Variants in FUNDC1 observed in about 807,000 individuals in gnomAD.
FUNDC1 encodes the protein FUN14 domain containing 1.
Under a neutral mutation model 14.5 loss-of-function variants are expected in FUNDC1, and 10 were observed. That is an observed-to-expected ratio of 0.69 (90% CI 0.43 to 1.17). The LOEUF is 1.17. Ranked by LOEUF, FUNDC1 falls within the 50% of genes most tolerant of loss-of-function variation. FUNDC1 has a pLI of 0.00. For missense variants in FUNDC1, 115 were observed against 113.8 expected, an observed-to-expected ratio of 1.01 and a Z score of -0.05; for synonymous variants, 33 against 39.7, an observed-to-expected ratio of 0.83 and a Z score of 0.64.
rs1035971537 is a variant in FUNDC1 at position 44,528,386 on chromosome X, A to T, written c.262-1021T>A. ...GTATTTATTCATCTACTATCACTTC[A>T]AACTCCAGCCTCAGCAAAACAGTGG... is the stretch of plus-strand genomic sequence containing the variant. On this transcript the variant is annotated intron_variant, in intron 3 of 4. Transcript: ENST00000378045. Among the ~76,000 whole-genome samples, 26 of 112,314 alleles carry T rather than the reference A, an allele frequency of 2.3e-4. 1 individual carries two copies. The highest frequency in any genetic ancestry group is 1.7e-3 in the East Asian group (6 of 3,575).
chrX:44,536,234 A>C (rs898645018), intron 3 of FUNDC1, among the ~76,000 whole-genome samples: 4 of 104,303 alleles, frequency 3.8e-5, no homozygotes, highest in Non-Finnish European at 7.8e-5. Flanking sequence ...CAGGAAAATC[A>C]CTTGAATCCG....
At chrX:44,537,080 G>A (rs12392122) in intron 3 of FUNDC1, among the ~76,000 whole-genome samples, 15,841 of 111,177 alleles carry the variant, frequency 0.14, 1,788 homozygotes, top group African/African-American at 0.38. Context: ...AAGGTTAGTC[G>A]TATTTGTGGG....
rs1044637341 is a variant in FUNDC1, at chrX:44,538,244, A to G, written c.261+223T>C. Among the ~76,000 whole-genome samples the G allele has an allele frequency of 8.0e-5, 9 of 112,647 alleles. No homozygotes were observed. The Admixed American group carries it at 8.5e-4, about 11-fold the overall frequency. Reference sequence around the variant, plus strand: ...AGGGATCTGCCTGCCTCTGCCTCCCAAAGTGCTGGGATTACAGGCGTGAGC... The same window carrying G: ...AGGGATCTGCCTGCCTCTGCCTCCCGAAGTGCTGGGATTACAGGCGTGAGC... On this transcript the variant is annotated intron_variant, in intron 3 of 4. Coordinates refer to ENST00000378045, the MANE Select transcript of FUNDC1 (RefSeq NM_173794.4).
chrX:44,542,761 T>C (rs148785115), intron 1 of FUNDC1, 44 bp downstream of exon 1: 1 of 1,142,069 alleles, frequency 8.8e-7, no homozygotes, highest in Non-Finnish European at 1.2e-6. Context: ...GGTCGAGAGC[T>C]GTGAGCCGCG....
chrX:44,541,394 C>A (rs1205166301), intron 2 of FUNDC1, among the ~76,000 whole-genome samples: 2 of 111,540 alleles, frequency 1.8e-5, no homozygotes, highest in East Asian at 2.8e-4. Context: ...AGCAATCAGA[C>A]CTTTAAACAC....
At chrX:44,530,952 A>G (rs1462493611) in intron 3 of FUNDC1, among the ~76,000 whole-genome samples, 1 of 108,713 alleles carries the variant, frequency 9.2e-6, no homozygotes, top group African/African-American at 3.3e-5. Context: ...ATAAATAATA[A>G]TGCCAGAGGC....
intron 3 of FUNDC1, among the ~76,000 whole-genome samples, chrX:44,536,337 AT>A (rs1282996634): frequency 5.2e-4 from 55 of 106,559 alleles, no homozygotes; most frequent in African/African-American, 1.8e-3. Flanking sequence ...AAAAAAAAAA[AT>A]CCCAAACTTC....
chrX:44,541,975 G>C lies in FUNDC1; in HGVS notation c.155C>G (p.Thr52Ser). The part of the protein sequence containing the change: ...GPMVEKYSVA[T>S]QIVMGGVTGW... Reference sequence around the variant, plus strand: ...AGTAACGCCACCCATTACAATCTGGGTAGCTACTGAGTATTTTTCTACCAT... The same window carrying C: ...AGTAACGCCACCCATTACAATCTGGCTAGCTACTGAGTATTTTTCTACCAT... Residue 52 changes from threonine (T) to serine (S), a missense_variant, in exon 2 of 5, where the codon ACC (threonine) becomes AGC (serine). Transcript: ENST00000378045. The C allele has an allele frequency of 8.3e-7, 1 of 1,208,128 alleles. No individual in the cohort carries two copies. The highest frequency in any genetic ancestry group is 1.1e-6 in the Non-Finnish European group (1 of 893,855).
At chrX:44,529,248 C>A (rs1203427110) in intron 3 of FUNDC1, among the ~76,000 whole-genome samples, 1 of 111,724 alleles carries the variant, frequency 9.0e-6, no homozygotes, top group Non-Finnish European at 1.9e-5. Flanking sequence ...TAAACAAATT[C>A]TCACAAACAG....
intron 3 of FUNDC1, 38 bp downstream of exon 3, chrX:44,538,429 T>C: frequency 2.8e-6 from 3 of 1,068,715 alleles, no homozygotes; most frequent in Non-Finnish European, 2.6e-6. Context: ...TTCCACCTTC[T>C]ATGAAAGCAA....
chrX:44,540,987 A>C (rs189725490), intron 2 of FUNDC1, among the ~76,000 whole-genome samples: 2 of 111,913 alleles, frequency 1.8e-5, no homozygotes, highest in East Asian at 5.6e-4. Context: ...CTTCTATCAT[A>C]AAATGGCATT....
intron 3 of FUNDC1, among the ~76,000 whole-genome samples, chrX:44,534,127 GA>G (rs1489538933): frequency 1.9e-5 from 2 of 106,961 alleles, no homozygotes; most frequent in African/African-American, 6.8e-5. Context: ...AAATCTCCCA[GA>G]AAATAGACCA....
In FUNDC1 at chrX:44,527,245, T is replaced by G; in HGVS notation, c.382A>C (p.Ile128Leu). The change falls in exon 4 of 5, where the codon ATT becomes CTT. Residue 128 changes from isoleucine (I) to leucine (L), a missense_variant. Ile to Leu is a conservative substitution (Grantham distance 5). Coordinates refer to ENST00000378045, the MANE Select transcript of FUNDC1 (RefSeq NM_173794.4). ...ATTATATATCATCTTACTTCTTCAA[T>G]TAAATTGTTGATTTCAGGTGCTGCT... ...NKAAPEINNL[I>L]EEATEFIKQN... 1 of 1,170,275 alleles carries G rather than the reference T, an allele frequency of 8.5e-7. No homozygotes were observed. Among genetic ancestry groups the G allele is most frequent in the East Asian group, 3.0e-5 (1 of 33,089 alleles).
At chrX:44,537,120 T>C (rs1001956394) in intron 3 of FUNDC1, among the ~76,000 whole-genome samples, 1 of 111,984 alleles carries the variant, frequency 8.9e-6, no homozygotes, top group Admixed American at 9.6e-5. Context: ...ATAGGTCCTA[T>C]GTTGCTCTGC....
intron 3 of FUNDC1, among the ~76,000 whole-genome samples, chrX:44,528,983 C>T (rs2038912481): frequency 8.9e-6 from 1 of 112,236 alleles, no homozygotes; most frequent in Non-Finnish European, 1.9e-5. Context: ...GCATGAGCCA[C>T]CGCGCCCGGC....
intron 4 of FUNDC1, among the ~76,000 whole-genome samples, chrX:44,524,796 T>A (rs186288907): frequency 1.8e-5 from 2 of 111,397 alleles, no homozygotes; most frequent in African/African-American, 6.5e-5. Flanking sequence ...AACACAGTCA[T>A]GCCCAGTAAG....
chrX:44,540,068 C>T (rs1037705256), intron 2 of FUNDC1, among the ~76,000 whole-genome samples: 2 of 110,819 alleles, frequency 1.8e-5, no homozygotes, highest in African/African-American at 6.6e-5. Flanking sequence ...CTTTAAGGGC[C>T]CTCTAACTGG....
Position 44,524,639 on chromosome X carries a change from T to TA in FUNDC1, c.391-365dup, listed in dbSNP as rs779355317. 8.0e-5 allele frequency among the ~76,000 whole-genome samples: 9 copies of TA among 111,875 alleles called. No individual in the cohort carries two copies. In the East Asian group the frequency reaches 2.3e-3, roughly 28 times the overall value. ...AAAAAGATGCACAAAAAAAAATTCT[T>TA]ACTGAATCCAGAGCCAAGTAGCAGT... On this transcript the variant is annotated intron_variant, in intron 4 of 4. Coordinates refer to ENST00000378045, the MANE Select transcript of FUNDC1 (RefSeq NM_173794.4).
intron 4 of FUNDC1, among the ~76,000 whole-genome samples, chrX:44,525,142 C>T (rs1227963226): frequency 9.0e-6 from 1 of 111,227 alleles, no homozygotes; most frequent in Non-Finnish European, 1.9e-5. Context: ...ATAAAATTAA[C>T]AGATGAAAGG....
Sources: gnomAD v4.1 joint callset for allele counts (sites outside exome capture counted in the v4.1 genomes callset) on GRCh38, gnomAD v4.1.1 for gene constraint, MANE v1.5 for transcripts, NCBI Gene and HGNC (gene_info 2026-07-23, HGNC 2026-07-21) for gene names.